Variants in ABTB3 observed in about 807,000 individuals in gnomAD.
ABTB3 encodes the protein ankyrin repeat- and BTB/POZ domain-containing protein 3.
At chr12:107,339,713 T>C in the ABTB3 span, among the ~76,000 whole-genome samples, 3 of 151,984 alleles carry the variant, frequency 2.0e-5, no homozygotes, top group Admixed American at 6.6e-5. Flanking sequence ...GTATGTTGCA[T>C]GTGCATGTGC....
the ABTB3 span, among the ~76,000 whole-genome samples, chr12:107,432,791 G>A: frequency 4.6e-5 from 7 of 152,142 alleles, no homozygotes; most frequent in African/African-American, 1.4e-4. Context: ...ATCTGTATAG[G>A]AGAGGCTCAG....
At chr12:107,339,839 TA>T in the ABTB3 span, among the ~76,000 whole-genome samples, 1 of 152,152 alleles carries the variant, frequency 6.6e-6, no homozygotes, top group African/African-American at 2.4e-5. Flanking sequence ...AACATCTTCA[TA>T]GACTCCAGCC....
chr12:107,532,692 C>A, the ABTB3 span, among the ~76,000 whole-genome samples: 3 of 152,084 alleles, frequency 2.0e-5, no homozygotes, highest in African/African-American at 4.8e-5. Context: ...ATAGATTAAA[C>A]CCAAAAAGGT....
chr12:107,544,045 G>C, the ABTB3 span: 1 of 1,614,068 alleles, frequency 6.2e-7, no homozygotes, highest in Non-Finnish European at 8.5e-7. Context: ...GGAGCCCGAG[G>C]CCCTGTACAC....
the ABTB3 span, chr12:107,581,084 C>T: frequency 6.5e-7 from 1 of 1,545,046 alleles, no homozygotes; most frequent in Non-Finnish European, 8.7e-7. Flanking sequence ...GGGGGTGGGG[C>T]CAAGCCGGCA....
At chr12:107,573,766 C>T in the ABTB3 span, among the ~76,000 whole-genome samples, 1 of 152,332 alleles carries the variant, frequency 6.6e-6, no homozygotes, top group East Asian at 1.9e-4. Flanking sequence ...GCAGAATTCT[C>T]TCTTCTGGGA....
the ABTB3 span, among the ~76,000 whole-genome samples, chr12:107,619,580 C>G: frequency 2.6e-5 from 4 of 152,152 alleles, no homozygotes; most frequent in African/African-American, 9.7e-5. Flanking sequence ...ACTCTTCTCC[C>G]CCCTGAGCTT....
chr12:107,647,811 C>T, the ABTB3 span, among the ~76,000 whole-genome samples: 7 of 152,170 alleles, frequency 4.6e-5, no homozygotes, highest in Non-Finnish European at 7.3e-5. Context: ...TTCACAGATA[C>T]GAAACTGAGA....
chr12:107,495,173 G>C, the ABTB3 span, among the ~76,000 whole-genome samples: 1 of 152,194 alleles, frequency 6.6e-6, no homozygotes, highest in Admixed American at 6.5e-5. Context: ...TGGGGAATGG[G>C]GAGTGGAAAA....
chr12:107,554,918 G>A, the ABTB3 span, among the ~76,000 whole-genome samples: 4 of 152,226 alleles, frequency 2.6e-5, no homozygotes, highest in Admixed American at 2.0e-4. Flanking sequence ...GTAGAGCTTA[G>A]CCTGTCATAG....
the ABTB3 span, among the ~76,000 whole-genome samples, chr12:107,355,720 G>A: frequency 3.3e-5 from 5 of 152,264 alleles, no homozygotes; most frequent in Admixed American, 6.5e-5. Context: ...AGAAATCAAG[G>A]TCATAGGTGG....
the ABTB3 span, among the ~76,000 whole-genome samples, chr12:107,359,925 A>T: frequency 2.6e-4 from 39 of 151,934 alleles, no homozygotes; most frequent in African/African-American, 9.2e-4. Context: ...TGCCAATTTT[A>T]TCTCTTCCCT....
At chr12:107,398,339 T>C in the ABTB3 span, among the ~76,000 whole-genome samples, 21 of 152,368 alleles carry the variant, frequency 1.4e-4, no homozygotes, top group Middle Eastern at 3.4e-3. Context: ...AATTTAACCA[T>C]GGCCGTGGGC....
the ABTB3 span, chr12:107,612,958 G>T: frequency 8.2e-7 from 1 of 1,219,420 alleles, no homozygotes; most frequent in East Asian, 2.5e-5. Context: ...CCCAAGAGCT[G>T]CCACTGAGGG....
the ABTB3 span, among the ~76,000 whole-genome samples, chr12:107,425,180 G>A: frequency 6.6e-6 from 1 of 152,230 alleles, no homozygotes; most frequent in South Asian, 2.1e-4. Flanking sequence ...CTCATGGTTC[G>A]TGCTTCCATG....
At chr12:107,392,129 A>C in the ABTB3 span, among the ~76,000 whole-genome samples, 1 of 152,186 alleles carries the variant, frequency 6.6e-6, no homozygotes, top group East Asian at 1.9e-4. Flanking sequence ...CAGAGCACAC[A>C]GTAAGTGCTT....
At chr12:107,571,333 C>G in the ABTB3 span, among the ~76,000 whole-genome samples, 35 of 152,340 alleles carry the variant, frequency 2.3e-4, no homozygotes, top group African/African-American at 8.4e-4. Context: ...AGCCTGGGCA[C>G]AAACATCTTC....
chr12:107,381,095 C>CT, the ABTB3 span, among the ~76,000 whole-genome samples: 1 of 151,986 alleles, frequency 6.6e-6, no homozygotes, highest in Non-Finnish European at 1.5e-5. Context: ...ACCCACCCCC[C>CT]ATCATTACTC....
At chr12:107,452,233 G>A in the ABTB3 span, among the ~76,000 whole-genome samples, 1 of 141,940 alleles carries the variant, frequency 7.0e-6, no homozygotes, top group South Asian at 2.2e-4. Flanking sequence ...TTTTGAGACG[G>A]AGTCTCACTC....
Sources: gnomAD v4.1 joint callset for allele counts (sites outside exome capture counted in the v4.1 genomes callset) on GRCh38, gnomAD v4.1.1 for gene constraint, MANE v1.5 for transcripts, NCBI Gene and HGNC (gene_info 2026-07-23, HGNC 2026-07-21) for gene names.